The following ASB14 variants were observed in gnomAD, a reference collection of about 807,000 sequenced individuals.
ASB14 encodes ankyrin repeat and SOCS box protein 14.
A neutral mutation model predicts 55.6 loss-of-function variants in ASB14; 63 were observed. The ratio of observed to expected loss-of-function variants is 1.13; its 90% CI spans 0.92 to 1.40. The LOEUF (loss-of-function observed/expected upper bound fraction) is 1.40, where lower values mean the gene tolerates loss of function less well. Among genes scored for constraint, ASB14 ranks in the 40% most tolerant of loss-of-function variants. ASB14 has a pLI of 0.00. For synonymous variants in ASB14, 256 were observed against 259.9 expected, an observed-to-expected ratio of 0.98 and a Z score of 0.15; for missense variants, 724 against 710.4, an observed-to-expected ratio of 1.02 and a Z score of -0.22.
At chr3:57,278,999 A>C (rs769457473) in intron 7 of ASB14, 79 bp from the exon 8 acceptor site, 89 of 1,367,956 alleles carry the variant, frequency 6.5e-5, no homozygotes, top group Non-Finnish European at 8.4e-5. Context: ...TTTTATAGCA[A>C]TACTAGATAG....
Position 57,278,745 on chromosome 3 carries a change from GGTCATCGTA to G in ASB14, c.1054_1062del (p.Tyr352_Asp354del), listed in dbSNP as rs763072367. Reference sequence around the variant, plus strand: ...GCAAAATACAAAGCTGACTTCCTGTGGTCATCGTAGTGTTTGTTAATTCTCTGATCCAGC... The same window carrying G: ...GCAAAATACAAAGCTGACTTCCTGTGGTGTTTGTTAATTCTCTGATCCAGC... On this transcript the variant is annotated inframe_deletion, in exon 8 of 11. Transcript: ENST00000487349. 5.0e-6 allele frequency: 8 copies of G among 1,613,448 alleles called. No individual in the cohort carries two copies. The highest frequency in any genetic ancestry group is 6.8e-6 in the Non-Finnish European group (8 of 1,179,786).
rs771778549 is a variant in ASB14, at chr3:57,288,332, C to A, written c.179-46G>T. ...AACAGATTCACATTTGGCACACTTA[C>A]AAGGAAGCCCATATTGCTTCCTGAA... On this transcript the variant is annotated intron_variant, in intron 3 of 10. Coordinates refer to ENST00000487349, the MANE Select transcript of ASB14 (RefSeq NM_001142733.3). 9.2e-6 allele frequency: 14 copies of A among 1,524,474 alleles called. No individual in the cohort carries two copies. The South Asian group carries it at 1.2e-4, about 13-fold the overall frequency. 94.4% of individuals were successfully genotyped at this position (1,524,474 alleles called of 1,614,324 possible). A position where few individuals can be genotyped will look rare whatever the true frequency, so the allele number is the denominator to read the frequency against.
chr3:57,269,793 A>G (rs2060923321), intron 10 of ASB14, 175 bp from the exon 11 acceptor site: 13 of 1,266,004 alleles, frequency 1.0e-5, no homozygotes, highest in Middle Eastern at 2.4e-4. Flanking sequence ...ATTAAGCTTT[A>G]TATTTGCTTA....
At chr3:57,275,865 AG>A (rs1321360338) in intron 10 of ASB14, among the ~76,000 whole-genome samples, 1 of 152,214 alleles carries the variant, frequency 6.6e-6, no homozygotes. Context: ...AACATAGAAA[AG>A]GTACAGTAAA....
intron 5 of ASB14, 62 bp from the exon 6 acceptor site, chr3:57,283,501 T>G (rs2107625649): frequency 6.8e-7 from 1 of 1,474,116 alleles, no homozygotes; most frequent in South Asian, 1.3e-5. Context: ...GTAGCATATC[T>G]GCAAGTATCC....
rs865796923 is a variant in ASB14, at chr3:57,283,364, T to C, written c.545A>G (p.Asn182Ser). The C allele has an allele frequency of 1.3e-5, 20 of 1,551,684 alleles. No individual in the cohort carries two copies. In the Middle Eastern group the frequency reaches 6.7e-4, roughly 52 times the overall value. ...TGCTTCGTGGAGAGCTGTCCTCTCGTTGGCACAACGCAGATTGACATCTGC... is the reference window on the plus strand; with the variant it reads ...TGCTTCGTGGAGAGCTGTCCTCTCGCTGGCACAACGCAGATTGACATCTGC... ...YGADVNLRCA[N>S]ERTALHEAAK... Residue 182 changes from asparagine to serine, a missense_variant, in exon 6 of 11, where the codon AAC (asparagine) becomes AGC (serine). Asn to Ser is a conservative substitution (Grantham distance 46). Transcript: ENST00000487349.
At position 57,278,702 on chromosome 3, in the gene ASB14, A is replaced by G. The variant is rs1421558264; in HGVS notation, c.1106T>C (p.Leu369Pro). 6.2e-7 allele frequency: 1 copy of G among 1,614,126 alleles called. No homozygotes were observed. The highest frequency in any genetic ancestry group is 1.7e-5 in the Admixed American group (1 of 60,016). The change falls in exon 8 of 11, where the codon CTC becomes CCC. Residue 369 changes from leucine to proline, a missense_variant. Leu to Pro is a moderately conservative substitution (Grantham distance 98). Coordinates refer to ENST00000487349, the MANE Select transcript of ASB14 (RefSeq NM_001142733.3). ...ALYFAVSNSD[L>P]SSVKLLLSAG... ...ACTCAGAAGCAGCTTGACTGAAGAG[A>G]GGTCACTGTTTGATACAGCAAAATA... is the stretch of plus-strand genomic sequence containing the variant.
Position 57,268,678 on chromosome 3 carries a change from C to G in ASB14, c.*963G>C, listed in dbSNP as rs1312677825. 1.1e-5 allele frequency: 5 copies of G among 436,354 alleles called. No homozygotes were observed. The highest frequency in any genetic ancestry group is 1.9e-5 in the Non-Finnish European group (5 of 267,240). The allele number at this position is 436,354 out of a possible 1,614,324, so 27.0% of individuals were successfully genotyped here. Reference sequence around the variant, plus strand: ...TGATATGATGTTTACATTATAGTTACGTTGACATGTAATATGACTGTTTCA... The same window carrying G: ...TGATATGATGTTTACATTATAGTTAGGTTGACATGTAATATGACTGTTTCA... On this transcript the variant is annotated 3_prime_UTR_variant, in exon 11 of 11. Coordinates refer to ENST00000487349, the MANE Select transcript of ASB14 (RefSeq NM_001142733.3).
In ASB14 at chr3:57,268,409, A is replaced by G. The variant is rs559015834; in HGVS notation, c.*1232T>C. ...CATCTGTTCTTTAGGATCGTAGGGCATCAGAAAAACAAAAAGAAATAGAGA... is the reference window on the plus strand; with the variant it reads ...CATCTGTTCTTTAGGATCGTAGGGCGTCAGAAAAACAAAAAGAAATAGAGA... On this transcript the variant is annotated 3_prime_UTR_variant, in exon 11 of 11. Coordinates refer to ENST00000487349, the MANE Select transcript of ASB14 (RefSeq NM_001142733.3). 1.9e-6 allele frequency: 3 copies of G among 1,583,402 alleles called. No homozygotes were observed. The highest frequency in any genetic ancestry group is 2.7e-5 in the African/African-American group (2 of 73,896).
At chr3:57,281,719 TTGAG>T (rs1031439214) in intron 6 of ASB14, among the ~76,000 whole-genome samples, 1 of 152,198 alleles carries the variant, frequency 6.6e-6, no homozygotes, top group Non-Finnish European at 1.5e-5. Context: ...AAGAAACTCA[TTGAG>T]TTTCAGTGAC....
intron 9 of ASB14, among the ~76,000 whole-genome samples, chr3:57,277,166 C>CT (rs1346746020): frequency 6.6e-6 from 1 of 151,298 alleles, no homozygotes; most frequent in Non-Finnish European, 1.5e-5. Flanking sequence ...ACTCGTGAGA[C>CT]TGAGGCAGGA....
chr3:57,284,691 A>G (rs545785488), intron 5 of ASB14, among the ~76,000 whole-genome samples: 4 of 152,354 alleles, frequency 2.6e-5, no homozygotes, highest in African/African-American at 9.6e-5. Context: ...TGATTTTTCT[A>G]CGCACAAGAC....
At chr3:57,289,257 G>A (rs558210584) in intron 2 of ASB14, 134 bp from the exon 3 acceptor site, 978 of 626,876 alleles carry the variant, frequency 1.6e-3, no homozygotes, top group Non-Finnish European at 2.3e-3. Context: ...AATGACTGAG[G>A]CATAATAGAA....
At chr3:57,284,638 C>T (rs890153651) in intron 5 of ASB14, among the ~76,000 whole-genome samples, 7 of 152,200 alleles carry the variant, frequency 4.6e-5, no homozygotes, top group East Asian at 1.9e-4. Context: ...CTAGCTCTAC[C>T]GTTGTTACAA....
chr3:57,278,273 T>C, intron 8 of ASB14, 104 bp downstream of exon 8: 2 of 852,588 alleles, frequency 2.3e-6, no homozygotes, highest in Non-Finnish European at 3.6e-6. Flanking sequence ...CTAGGATCTC[T>C]TCAACCAAGC....
chr3:57,286,348 C>T (rs569621085), intron 5 of ASB14, among the ~76,000 whole-genome samples: 3 of 151,220 alleles, frequency 2.0e-5, no homozygotes, highest in East Asian at 3.9e-4. Flanking sequence ...AGTTTAATTC[C>T]ACCTCTGAGA....
At position 57,283,239 on chromosome 3, in the gene ASB14, C is replaced by T; in HGVS notation, c.670G>A (p.Ala224Thr). 1 of 1,552,090 alleles carries T rather than the reference C, an allele frequency of 6.4e-7. No individual in the cohort carries two copies. Among genetic ancestry groups the T allele is most frequent in the Non-Finnish European group, 8.7e-7 (1 of 1,146,994 alleles). Residue 224 changes from alanine (A) to threonine (T), a missense_variant, in exon 6 of 11, where the codon GCC becomes ACC. By Grantham distance (58) the Ala-to-Thr change is moderately conservative. Transcript: ENST00000487349. ...ATGATTTCAGTGTGTCCACTTTGGG[C>T]AGCAAGAGCAAGAGGAGTGAATCCA... ...TYGFTPLALA[A>T]QSGHTEIMEM...
chr3:57,277,675 C>T (rs2061000759), intron 9 of ASB14, 92 bp downstream of exon 9: 2 of 1,167,290 alleles, frequency 1.7e-6, no homozygotes, highest in South Asian at 1.6e-5. Flanking sequence ...AAGCTTTTAA[C>T]CAGAAGAGAA....
At position 57,288,418 on chromosome 3, in the gene ASB14, C is replaced by T. The variant is rs1234064378; in HGVS notation, c.179-132G>A. 3.0e-6 allele frequency: 3 copies of T among 1,009,316 alleles called. No individual in the cohort carries two copies. In the African/African-American group the frequency reaches 4.8e-5, roughly 16 times the overall value. The allele number at this position is 1,009,316 out of a possible 1,614,324, so 62.5% of individuals were successfully genotyped here. On this transcript the variant is annotated intron_variant, in intron 3 of 10. Transcript: ENST00000487349. ...TTCTAGCACCACCTTTTATGAAAGA[C>T]AAATGGCATATGACAGACAGTAAGG...
Sources: gnomAD v4.1 joint callset for allele counts (sites outside exome capture counted in the v4.1 genomes callset) on GRCh38, gnomAD v4.1.1 for gene constraint, MANE v1.5 for transcripts, NCBI Gene and HGNC (gene_info 2026-07-23, HGNC 2026-07-21) for gene names.